PIK3CA: variants seen among roughly 807,000 people sequenced by gnomAD.
PIK3CA encodes phosphatidylinositol 4,5-bisphosphate 3-kinase catalytic subunit alpha isoform.
A neutral mutation model predicts 138.2 loss-of-function variants in PIK3CA; 27 were observed. The observed-to-expected ratio is 0.20, with a 90% CI of 0.14 to 0.27. PIK3CA has a LOEUF of 0.27. Ranked by LOEUF, PIK3CA falls within the 10% of genes least tolerant of loss-of-function variation. The probability of loss-of-function intolerance (pLI) is 1.00; values close to 1 mark genes in which losing one functional copy is unlikely to be tolerated. For missense variants in PIK3CA, 544 were observed against 1,277.4 expected, an observed-to-expected ratio of 0.43 and a Z score of 8.75; for synonymous variants, 358 against 413.2, an observed-to-expected ratio of 0.87 and a Z score of 1.62.
At chr3:179,215,394 T>G (rs146168058) in intron 9 of PIK3CA, among the ~76,000 whole-genome samples, 8,950 of 152,248 alleles carry the variant, frequency 0.059, 335 homozygotes, top group African/African-American at 0.1. Flanking sequence ...ACAATTTGTA[T>G]CTATTGGAAA....
Position 179,219,069 on chromosome 3 carries a change from T to C in PIK3CA, c.1665-127T>C. On this transcript the variant is annotated intron_variant, in intron 10 of 20. Coordinates refer to ENST00000263967, the MANE Select transcript of PIK3CA (RefSeq NM_006218.4). This position sits in a 1 kb window ranked among gnomAD's most constrained non-coding sequence, Gnocchi z 4.2. ...GTGTTAAACACTGATGTCTTTTGAA[T>C]TTTAAAAAAGCTAGTAATGTAAGAA... 1.8e-6 allele frequency: 1 copy of C among 563,762 alleles called. No individual in the cohort carries two copies. The highest frequency in any genetic ancestry group is 2.9e-5 in the East Asian group (1 of 34,596). The allele number at this position is 563,762 out of a possible 1,614,324, so 34.9% of individuals were successfully genotyped here.
chr3:179,214,052 T>C (rs1576940644), intron 9 of PIK3CA, among the ~76,000 whole-genome samples: 1 of 152,360 alleles, frequency 6.6e-6, no homozygotes, highest in Admixed American at 6.5e-5. Flanking sequence ...AGGCTTTGAC[T>C]TAAGGAAAAG....
At chr3:179,204,085 T>G (rs1257663044) in intron 5 of PIK3CA, among the ~76,000 whole-genome samples, 5 of 152,182 alleles carry the variant, frequency 3.3e-5, no homozygotes, top group Non-Finnish European at 7.3e-5. Flanking sequence ...AAGTGAGGGT[T>G]TTTATAATCT....
chr3:179,150,884 A>G (rs1052767610), intron 1 of PIK3CA, among the ~76,000 whole-genome samples: 1 of 152,224 alleles, frequency 6.6e-6, no homozygotes, highest in Non-Finnish European at 1.5e-5. Flanking sequence ...AGTTACGATT[A>G]CCATTTAAAG....
At position 179,225,958 on chromosome 3, in the gene PIK3CA, T is replaced by A. The variant is rs1060503815; in HGVS notation, c.2417-4T>A. 2 of 1,507,854 alleles carry A rather than the reference T, an allele frequency of 1.3e-6. No homozygotes were observed. The allele number at this position is 1,507,854 out of a possible 1,614,324, so 93.4% of individuals were successfully genotyped here. ...AATGGTGATACATATTATTTGAATT[T>A]CAGATTTACGGCAAGATATGCTAAC... On this transcript the variant is annotated splice_polypyrimidine_tract_variant and splice_region_variant and intron_variant, in intron 16 of 20. Coordinates refer to ENST00000263967, the MANE Select transcript of PIK3CA (RefSeq NM_006218.4).
chr3:179,164,801 G>A (rs926737174), intron 1 of PIK3CA, among the ~76,000 whole-genome samples: 5 of 151,974 alleles, frequency 3.3e-5, no homozygotes, highest in Admixed American at 6.5e-5. Context: ...CCCAGGAGGC[G>A]GAGGTAGCAG....
intron 6 of PIK3CA, among the ~76,000 whole-genome samples, chr3:179,206,722 C>A (rs1284417139): frequency 6.6e-6 from 1 of 152,044 alleles, no homozygotes; most frequent in Admixed American, 6.5e-5. Context: ...TGAGACCACC[C>A]TGGGCTATAT....
chr3:179,195,191 C>T (rs545218424), intron 1 of PIK3CA, among the ~76,000 whole-genome samples: 1 of 151,706 alleles, frequency 6.6e-6, no homozygotes, highest in African/African-American at 2.4e-5. Context: ...GTGAGCCTTG[C>T]CACCTTCAGG....
Position 179,167,377 on chromosome 3 carries a change from A to G in PIK3CA, c.-77+18774A>G, listed in dbSNP as rs1179907588. On this transcript the variant is annotated intron_variant, in intron 1 of 20. Coordinates refer to ENST00000263967, the MANE Select transcript of PIK3CA (RefSeq NM_006218.4). ...ATTCATTTCTTTAGCTTCTGTTACT[A>G]TCTTTCTACTTTTAAGATACTCATA... Among the ~76,000 whole-genome samples, 8 of 151,972 alleles carry G rather than the reference A, an allele frequency of 5.3e-5. 1 individual carries two copies. Among genetic ancestry groups the G allele is most frequent in the African/African-American group, 9.7e-5 (4 of 41,408 alleles).
At chr3:179,229,539 C>T (rs757542752) in intron 18 of PIK3CA, 97 bp downstream of exon 18, 66 of 794,864 alleles carry the variant, frequency 8.3e-5, no homozygotes, top group Non-Finnish European at 8.8e-5. Flanking sequence ...ACAGAGAAAA[C>T]AATTGTACTT....
chr3:179,187,038 G>GTT (rs77335735), intron 1 of PIK3CA, among the ~76,000 whole-genome samples: 2 of 148,754 alleles, frequency 1.3e-5, no homozygotes, highest in Admixed American at 6.7e-5. Context: ...TAAGGGAAGT[G>GTT]TTTTTTTTTT....
chr3:179,150,590 G>T (rs142575969), intron 1 of PIK3CA, among the ~76,000 whole-genome samples: 8 of 152,186 alleles, frequency 5.3e-5, no homozygotes, highest in African/African-American at 1.9e-4. Flanking sequence ...CTTCATGGAA[G>T]TGTAAATTGT....
chr3:179,185,714 T>C lies in PIK3CA; in HGVS notation c.-76-13036T>C, dbSNP rs1313791194. On this transcript the variant is annotated intron_variant, in intron 1 of 20. Transcript: ENST00000263967. ...TTGATTAATTTGATAGAGCAGCTCA[T>C]AGAACTCAGGGAAATACATTTCTCG... Among the ~76,000 whole-genome samples, 3 of 152,290 alleles carry C rather than the reference T, an allele frequency of 2.0e-5. No homozygotes were observed. The East Asian group carries it at 5.8e-4, about 29-fold the overall frequency.
rs759712592 is a variant in PIK3CA at position 179,199,866 on chromosome 3, T to C, written c.529T>C (p.Leu177=). 8.4e-5 allele frequency: 135 copies of C among 1,610,854 alleles called. No individual in the cohort carries two copies. The highest frequency in any genetic ancestry group is 1.1e-4 in the Non-Finnish European group (126 of 1,177,310). ...YPPNVESSPE[L]PKHIYNKLDK... is the part of the protein sequence containing the mutation. ...TCCAAATGTAGAATCTTCACCAGAA[T>C]TGCCAAAGCACATATATAATAAATT... is the stretch of plus-strand genomic sequence containing the variant. Residue 177 remains leucine, a synonymous_variant, in exon 3 of 21, where the codon TTG becomes CTG. Transcript: ENST00000263967.
rs1576933170 is a variant in PIK3CA, at chr3:179,201,294, A to G, written c.567A>G (p.Gln189=). 6.2e-7 allele frequency: 1 copy of G among 1,611,520 alleles called. No individual in the cohort carries two copies. The highest frequency in any genetic ancestry group is 1.1e-5 in the South Asian group (1 of 90,750). Residue 189 remains glutamine (Q), a synonymous_variant, in exon 4 of 21, where the codon CAA becomes CAG. Transcript: ENST00000263967. ...KHIYNKLDKG[Q]IIVVIWVIVS... Reference sequence around the variant, plus strand: ...TCTAATGTTTTCCTGTTATAGGGCAAATAATAGTGGTGATCTGGGTAATAG... The same window carrying G: ...TCTAATGTTTTCCTGTTATAGGGCAGATAATAGTGGTGATCTGGGTAATAG...
At chr3:179,182,107 C>G (rs1243673675) in intron 1 of PIK3CA, among the ~76,000 whole-genome samples, 4 of 152,122 alleles carry the variant, frequency 2.6e-5, no homozygotes, top group African/African-American at 4.8e-5. Context: ...CTTAAAGTTC[C>G]CTTTTTCAAA....
intron 17 of PIK3CA, among the ~76,000 whole-genome samples, chr3:179,228,554 T>A (rs1725137123): frequency 6.6e-6 from 1 of 152,086 alleles, no homozygotes; most frequent in African/African-American, 2.4e-5. Context: ...CCTACCTATC[T>A]TTGTGAGGCC....
intron 1 of PIK3CA, among the ~76,000 whole-genome samples, chr3:179,180,794 G>C (rs1300698327): frequency 6.6e-6 from 1 of 152,092 alleles, no homozygotes; most frequent in African/African-American, 2.4e-5. Flanking sequence ...AATTTGGGGG[G>C]ACACACTTTA....
chr3:179,210,919 T>C (rs1724693399), intron 9 of PIK3CA, among the ~76,000 whole-genome samples: 1 of 152,208 alleles, frequency 6.6e-6, no homozygotes, highest in Admixed American at 6.5e-5. Flanking sequence ...AATATAAGAT[T>C]ACAGTTGACC....
Sources: gnomAD v4.1 joint callset for allele counts (sites outside exome capture counted in the v4.1 genomes callset) on GRCh38, gnomAD v4.1.1 for gene constraint, Gnocchi (gnomAD v3.1) non-coding constraint, MANE v1.5 for transcripts, NCBI Gene and HGNC (gene_info 2026-07-23, HGNC 2026-07-21) for gene names.